Variants in NARS1 observed in about 807,000 individuals in gnomAD.
NARS1 encodes asparaginyl-tRNA synthetase 1.
In NARS1, 65 loss-of-function variants were observed where a neutral mutation model predicts 79.2. That is an observed-to-expected ratio of 0.82 (90% CI 0.67 to 1.01). NARS1 has a LOEUF of 1.01. Ranked by LOEUF, NARS1 falls within the 50% of genes least tolerant of loss-of-function variation. NARS1 has a pLI of 0.00. For missense variants in NARS1, 649 were observed against 673.8 expected (o/e 0.96, Z 0.41); for synonymous variants, 229 against 238.8 (o/e 0.96, Z 0.38).
chr18:57,609,218 T>G (rs1404612006), intron 7 of NARS1, 139 bp downstream of exon 7: 10 of 595,274 alleles, frequency 1.7e-5, no homozygotes, highest in Non-Finnish European at 2.8e-5. Context: ...AAAACTCCCT[T>G]TCACATATAC....
Position 57,621,781 on chromosome 18 carries a change from C to G in NARS1, c.-64G>C. The G allele has an allele frequency of 6.2e-6, 10 of 1,611,996 alleles. No individual in the cohort carries two copies. The highest frequency in any genetic ancestry group is 5.5e-5 in the South Asian group (5 of 90,828). The stretch of plus-strand genomic sequence containing the variant: ...GCAACACCGACGCCGTCTTATGACT[C>G]CAACGTGCACCGGCGGTTTCCGCGA... On this transcript the variant is annotated 5_prime_UTR_variant, in exon 1 of 14. Coordinates refer to ENST00000256854, the MANE Select transcript of NARS1 (RefSeq NM_004539.4).
intron 11 of NARS1, among the ~76,000 whole-genome samples, chr18:57,604,013 C>T (rs1162558310): frequency 2.0e-5 from 3 of 152,182 alleles, no homozygotes; most frequent in Admixed American, 6.5e-5. Context: ...CATTTAGCTC[C>T]GGTAGTCCCC....
intron 2 of NARS1, among the ~76,000 whole-genome samples, chr18:57,618,083 C>T (rs940479598): frequency 6.6e-5 from 10 of 151,280 alleles, no homozygotes; most frequent in African/African-American, 2.4e-4. Flanking sequence ...TCGAGACCAG[C>T]CTGGCCAACA....
intron 6 of NARS1, 26 bp from the exon 7 acceptor site, chr18:57,609,469 T>TA: frequency 1.3e-6 from 2 of 1,581,578 alleles, no homozygotes; most frequent in Non-Finnish European, 1.7e-6. Context: ...AGCTCAAATT[T>TA]AGTTATTCAC....
chr18:57,620,440 T>C lies in NARS1; in HGVS notation c.93+129A>G, dbSNP rs1908251536. 4 of 638,260 alleles carry C rather than the reference T, an allele frequency of 6.3e-6. No individual in the cohort carries two copies. In the African/African-American group the frequency reaches 7.3e-5, roughly 12 times the overall value. 39.5% of individuals were successfully genotyped at this position (638,260 alleles called of 1,614,324 possible). On this transcript the variant is annotated intron_variant, in intron 2 of 13. Coordinates refer to ENST00000256854, the MANE Select transcript of NARS1 (RefSeq NM_004539.4). ...AAGTCACATATCTGTATGCATTCCT[T>C]ACTTTCCCTTTTCTGAAAATTCTCT...
chr18:57,613,312 G>A (rs2051620333), intron 5 of NARS1, among the ~76,000 whole-genome samples: 1 of 152,036 alleles, frequency 6.6e-6, no homozygotes, highest in Admixed American at 6.6e-5. Context: ...GGCCAACATG[G>A]TGAAACACCG....
At chr18:57,608,241 G>A (rs2051577144) in intron 7 of NARS1, among the ~76,000 whole-genome samples, 2 of 151,822 alleles carry the variant, frequency 1.3e-5, no homozygotes, top group Non-Finnish European at 2.9e-5. Flanking sequence ...ACGAGGTCAG[G>A]AAATCAAGAC....
chr18:57,617,572 C>CAA (rs59412339), intron 2 of NARS1, among the ~76,000 whole-genome samples: 4 of 66,616 alleles, frequency 6.0e-5, no homozygotes, highest in African/African-American at 1.4e-4. Context: ...GACTCCGTCT[C>CAA]AAAAAAAAAA....
chr18:57,603,015 T>G, intron 11 of NARS1, 72 bp from the exon 12 acceptor site: 2 of 1,486,220 alleles, frequency 1.3e-6, no homozygotes, highest in South Asian at 2.4e-5. Flanking sequence ...TCCTTCACCC[T>G]GTACCAGTCC....
At chr18:57,610,429 G>A (rs561938885) in intron 6 of NARS1, among the ~76,000 whole-genome samples, 5 of 152,248 alleles carry the variant, frequency 3.3e-5, no homozygotes, top group East Asian at 1.9e-4. Flanking sequence ...CTGAGATCAC[G>A]CCACTGCACT....
At position 57,620,583 on chromosome 18, in the gene NARS1, T is replaced by C; in HGVS notation, c.79A>G (p.Lys27Glu). Residue 27 changes from lysine to glutamate, a missense_variant, in exon 2 of 14, where the codon AAA (lysine) becomes GAA (glutamate). Lys to Glu is a moderately conservative substitution (Grantham distance 56). Transcript: ENST00000256854. ...AGAGACTCTACCTTTAGACCTGTTTTAAATGGTTTCTCCTTGGTTCCATCT... is the reference window on the plus strand; with the variant it reads ...AGAGACTCTACCTTTAGACCTGTTTCAAATGGTTTCTCCTTGGTTCCATCT... Reference protein sequence around the residue: ...TGDGTKEKPFKTGLKALMTVG... With the variant: ...TGDGTKEKPFETGLKALMTVG... 6.2e-7 allele frequency: 1 copy of C among 1,612,324 alleles called. No individual in the cohort carries two copies. Among genetic ancestry groups the C allele is most frequent in the Non-Finnish European group, 8.5e-7 (1 of 1,178,554 alleles).
At chr18:57,618,305 A>AAG (rs1908146571) in intron 2 of NARS1, among the ~76,000 whole-genome samples, 1 of 151,440 alleles carries the variant, frequency 6.6e-6, no homozygotes, top group African/African-American at 2.4e-5. Flanking sequence ...AAAAAAAAAA[A>AAG]AGATAGCCAT....
At chr18:57,609,920 G>A (rs1322419744) in intron 6 of NARS1, among the ~76,000 whole-genome samples, 1 of 151,998 alleles carries the variant, frequency 6.6e-6, no homozygotes, top group African/African-American at 2.4e-5. Context: ...GGTGGTTCTT[G>A]CCTATAGTCC....
At chr18:57,603,085 T>C (rs2051523982) in intron 11 of NARS1, 142 bp from the exon 12 acceptor site, 2 of 630,222 alleles carry the variant, frequency 3.2e-6, no homozygotes, top group Admixed American at 6.0e-5. Flanking sequence ...CATACACATT[T>C]GTGTAAAGAA....
Position 57,601,521 on chromosome 18 carries a change from A to G in NARS1, c.*131T>C, listed in dbSNP as rs2051505663. The G allele has an allele frequency of 1.2e-6, 1 of 856,362 alleles. No homozygotes were observed. Among genetic ancestry groups the G allele is most frequent in the Non-Finnish European group, 1.7e-6 (1 of 590,360 alleles). 53.0% of individuals were successfully genotyped at this position (856,362 alleles called of 1,614,324 possible). ...GTTCAGGTGATTTGAGATAGTTTTT[A>G]TGGTAGTAGAAAGAAAAACAGAAAG... On this transcript the variant is annotated 3_prime_UTR_variant, in exon 14 of 14. Transcript: ENST00000256854.
chr18:57,617,606 G>A (rs1371966753), intron 2 of NARS1, among the ~76,000 whole-genome samples: 1 of 141,948 alleles, frequency 7.0e-6, no homozygotes, highest in Non-Finnish European at 1.5e-5. Context: ...AGAGAAGGAA[G>A]GAATCTGGAT....
chr18:57,612,290 T>G (rs948141039), intron 5 of NARS1, among the ~76,000 whole-genome samples: 1 of 152,198 alleles, frequency 6.6e-6, no homozygotes, highest in African/African-American at 2.4e-5. Flanking sequence ...TTATCTACCC[T>G]TGAGTCCCCT....
chr18:57,615,611 C>T (rs143316501), intron 4 of NARS1, 30 bp downstream of exon 4: 2 of 1,484,860 alleles, frequency 1.3e-6, no homozygotes, highest in African/African-American at 2.8e-5. Flanking sequence ...TAGCCAAGTC[C>T]ACGGTATTTG....
At position 57,620,646 on chromosome 18, in the gene NARS1, G is replaced by A. The variant is rs765135039; in HGVS notation, c.16C>T (p.Leu6=). The A allele has an allele frequency of 1.2e-6, 2 of 1,609,474 alleles. No individual in the cohort carries two copies. Among genetic ancestry groups the A allele is most frequent in the Non-Finnish European group, 1.7e-6 (2 of 1,177,358 alleles). Residue 6 remains leucine, a synonymous_variant, in exon 2 of 14, where the codon CTG becomes TTG. Transcript: ENST00000256854. Reference sequence around the variant, plus strand: ...CTTCCCTCTCGGTCAGAGACGTACAGCTCTGCTGTTTGACAAAATGAGGGT... The same window carrying A: ...CTTCCCTCTCGGTCAGAGACGTACAACTCTGCTGTTTGACAAAATGAGGGT... MVLAE[L]YVSDREGSDA... is the part of the protein sequence containing the mutation.
Sources: allele counts gnomAD v4.1 joint callset (sites outside exome capture counted in the v4.1 genomes callset), GRCh38; gene constraint gnomAD v4.1.1; transcripts MANE v1.5; gene names NCBI Gene and HGNC (gene_info 2026-07-23, HGNC 2026-07-21).